CYRIB: variants seen among roughly 807,000 people sequenced by gnomAD.
CYRIB encodes the protein CYFIP related Rac1 interactor B, also known as CYFIP-related Rac1 interactor B.
Under a neutral mutation model 44.2 loss-of-function variants are expected in CYRIB, and 8 were observed. The observed-to-expected ratio is 0.18, with a 90% CI of 0.11 to 0.33. CYRIB has a LOEUF of 0.33. Among genes scored for constraint, CYRIB ranks in the 10% least tolerant of loss-of-function variants. The pLI is 1.00. For missense variants in CYRIB, 185 were observed against 382.8 expected (o/e 0.48, Z 4.31); for synonymous variants, 131 against 127.2 (o/e 1.03, Z -0.20).
intron 1 of CYRIB, among the ~76,000 whole-genome samples, chr8:130,007,571 G>A (rs1035811601): frequency 3.4e-4 from 51 of 151,998 alleles, no homozygotes. Context: ...GATCGCCTGA[G>A]GTCAGGAGTT....
intron 2 of CYRIB, among the ~76,000 whole-genome samples, chr8:129,960,963 AAAGAAAG>A (rs2095227264): frequency 2.2e-5 from 3 of 138,012 alleles, no homozygotes; most frequent in South Asian, 2.4e-4. Flanking sequence ...AAAAAAAAAA[AAAGAAAG>A]AAAGAAAGAA....
intron 1 of CYRIB, among the ~76,000 whole-genome samples, chr8:129,928,332 A>G (rs571925836): frequency 6.6e-6 from 1 of 151,892 alleles, no homozygotes; most frequent in Non-Finnish European, 1.5e-5. Context: ...AAGAAAAAAA[A>G]AAAAAAAACA....
intron 1 of CYRIB, among the ~76,000 whole-genome samples, chr8:129,996,930 G>A (rs1483108102): frequency 5.3e-5 from 8 of 152,056 alleles, no homozygotes; most frequent in Non-Finnish European, 1.2e-4. Flanking sequence ...AACACCTAGA[G>A]TATGTTCTAT....
At chr8:129,976,277 T>C (rs887111394) in intron 1 of CYRIB, among the ~76,000 whole-genome samples, 2 of 152,192 alleles carry the variant, frequency 1.3e-5, no homozygotes, top group Non-Finnish European at 2.9e-5. Context: ...AACAACGCTT[T>C]ATTGCTTTAT....
At position 129,991,943 on chromosome 8, in the gene CYRIB, C is replaced by CAAAAAAAAAAAAAA. The variant is rs35897320; in HGVS notation, c.-295-20962_-295-20949dup. ...TCCAGCCTGGGCAACAGCAGAGTCG[C>CAAAAAAAAAAAAAA]AAAAAAAAAAAAAAAAAAAAAAAAA... On this transcript the variant is annotated intron_variant, in intron 1 of 14. Transcript: ENST00000401979. Among the ~76,000 whole-genome samples, 6 of 19,206 alleles carry CAAAAAAAAAAAAAA rather than the reference C, an allele frequency of 3.1e-4. 1 individual carries two copies. Among genetic ancestry groups the CAAAAAAAAAAAAAA allele is most frequent in the East Asian group, 1.3e-3 (1 of 746 alleles). 12.6% of individuals were successfully genotyped at this position (19,206 alleles called of 152,430 possible).
chr8:129,940,445 T>C (rs1280500232), upstream of CYRIB, among the ~76,000 whole-genome samples: 1 of 152,086 alleles, frequency 6.6e-6, no homozygotes, highest in Non-Finnish European at 1.5e-5. Context: ...AGAACAAAAA[T>C]TAGACTCCAC....
At chr8:129,846,720 C>T in intron 11 of CYRIB, 84 bp downstream of exon 13, 2 of 847,880 alleles carry the variant, frequency 2.4e-6, no homozygotes, top group Non-Finnish European at 3.8e-6. Flanking sequence ...ATCCTATTCA[C>T]ACTTAATGCA....
rs533387956 is a variant in CYRIB, at chr8:129,903,662, CA to C, written c.-49-313del. 4.0e-3 allele frequency among the ~76,000 whole-genome samples: 614 copies of C among 152,226 alleles called. 1 individual carries two copies. Among genetic ancestry groups the C allele is most frequent in the Non-Finnish European group, 6.9e-3 (470 of 68,024 alleles). On this transcript the variant is annotated intron_variant, in intron 1 of 11. Transcript: ENST00000519824. ...ACAATTCTCATCATAGCTTATGAAGCAAAGGGTAAGAAAAGGAAAGTTAGTT... is the reference window on the plus strand; with the variant it reads ...ACAATTCTCATCATAGCTTATGAAGCAAGGGTAAGAAAAGGAAAGTTAGTT...
chr8:129,976,667 T>C lies in CYRIB; in HGVS notation c.-295-5672A>G, dbSNP rs541936411. On this transcript the variant is annotated intron_variant, in intron 1 of 14. Coordinates refer to the CYRIB transcript ENST00000401979. ...TTATAAGCGGTTTTTCCTTCCAATT[T>C]CTCCCTACGGCTGCCTCTCTGAGCG... Among the ~76,000 whole-genome samples, 129 of 152,238 alleles carry C rather than the reference T, an allele frequency of 8.5e-4. 2 individuals carry two copies. The highest frequency in any genetic ancestry group is 3.0e-3 in the African/African-American group (125 of 41,544).
chr8:129,862,497 G>A (rs879078691), intron 4 of CYRIB, among the ~76,000 whole-genome samples, 163 bp from the exon 7 acceptor site: 7 of 151,600 alleles, frequency 4.6e-5, no homozygotes, highest in South Asian at 4.2e-4. Context: ...TTGAGAGAGC[G>A]TCTCACTCTG....
chr8:129,878,192 A>G lies in CYRIB; in HGVS notation c.73+1197T>C, dbSNP rs543791089. On this transcript the variant is annotated intron_variant, in intron 3 of 11. Transcript: ENST00000519824. ...CACATGGACCTGATATTGATTTACT[A>G]CTCTTTACTAGCCTGTACACAGTAC... Among the ~76,000 whole-genome samples the G allele has an allele frequency of 5.5e-4, 84 of 152,232 alleles. 2 individuals are homozygous for G. The South Asian group carries it at 0.017, about 31-fold the overall frequency.
chr8:129,970,531 TGTATTTTTA>T (rs1332699993), intron 2 of CYRIB: 20 of 151,996 alleles, frequency 1.3e-4, no homozygotes, highest in African/African-American at 4.3e-4. Flanking sequence ...GTGAGTATTT[TGTATTTTTA>T]GTATTTTTAG....
At chr8:129,895,337 GCTTATATA>G (rs2067509012) in intron 2 of CYRIB, among the ~76,000 whole-genome samples, 1 of 151,238 alleles carries the variant, frequency 6.6e-6, no homozygotes, top group African/African-American at 2.4e-5. Context: ...CCCTTTTAAT[GCTTATATA>G]CAAGGCAGAT....
At chr8:129,945,356 G>C (rs563583197) in intron 2 of CYRIB, among the ~76,000 whole-genome samples, 133 of 152,194 alleles carry the variant, frequency 8.7e-4, no homozygotes, top group Admixed American at 2.4e-3. Flanking sequence ...ATGTAACTTA[G>C]GCTCTGAAAC....
At chr8:130,012,768 G>GAAAA (rs948920476) in intron 1 of CYRIB, among the ~76,000 whole-genome samples, 8 of 150,154 alleles carry the variant, frequency 5.3e-5, no homozygotes, top group Non-Finnish European at 1.2e-4. Flanking sequence ...AGGAGGAGAG[G>GAAAA]AAAAAAAAAA....
At chr8:129,875,192 A>G (rs896789965) in intron 3 of CYRIB, among the ~76,000 whole-genome samples, 6 of 152,164 alleles carry the variant, frequency 3.9e-5, no homozygotes, top group African/African-American at 1.4e-4. Context: ...CATTAGAATA[A>G]GCTATAAATT....
At chr8:129,942,657 A>AG (rs1044316500), upstream of CYRIB, among the ~76,000 whole-genome samples, 3 of 152,380 alleles carry the variant, frequency 2.0e-5, no homozygotes, top group African/African-American at 7.2e-5. Flanking sequence ...TGCAAAAAAA[A>AG]AGGGCTTACA....
intron 1 of CYRIB, among the ~76,000 whole-genome samples, chr8:129,974,898 T>A (rs1032205714): frequency 3.3e-5 from 5 of 151,488 alleles, no homozygotes; most frequent in Non-Finnish European, 7.4e-5. Context: ...TTTTTTTTTT[T>A]TTTTGAGACG....
At chr8:129,993,232 A>C (rs900752165) in intron 1 of CYRIB, among the ~76,000 whole-genome samples, 9 of 151,852 alleles carry the variant, frequency 5.9e-5, no homozygotes, top group Non-Finnish European at 1.5e-5. Flanking sequence ...TGCCTACTGA[A>C]AATAAAAAAA....
Sources: gnomAD v4.1 joint callset for allele counts (sites outside exome capture counted in the v4.1 genomes callset) on GRCh38, gnomAD v4.1.1 for gene constraint, MANE v1.5 for transcripts, NCBI Gene and HGNC (gene_info 2026-07-23, HGNC 2026-07-21) for gene names.